Variants in A2M observed in about 807,000 individuals in gnomAD.
A2M encodes the protein alpha-2-macroglobulin, also known as C3 and PZP-like alpha-2-macroglobulin domain-containing protein 5.
In A2M, 128 loss-of-function variants were observed where a neutral mutation model predicts 183.9. The ratio of observed to expected loss-of-function variants is 0.70; its 90% CI spans 0.60 to 0.81. A2M has a LOEUF of 0.81. Among genes scored for constraint, A2M ranks in the 30% least tolerant of loss-of-function variants. The probability of loss-of-function intolerance (pLI) is 0.00; values close to 1 mark genes in which losing one functional copy is unlikely to be tolerated. For synonymous variants in A2M, 592 were observed against 670.8 expected (o/e 0.88, Z 1.81); for missense variants, 1,495 against 1,787.6 (o/e 0.84, Z 2.95).
chr12:9,115,804 AGAG>A lies in A2M; in HGVS notation c.43_45del (p.Leu16del). 6.2e-7 allele frequency: 1 copy of A among 1,613,586 alleles called. No individual in the cohort carries two copies. Among genetic ancestry groups the A allele is most frequent in the African/African-American group, 1.3e-5 (1 of 75,020 alleles). On this transcript the variant is annotated inframe_deletion, in exon 1 of 36. Transcript: ENST00000318602. The stretch of plus-strand genomic sequence containing the variant: ...GAGGCGTCTGTGGGCAGGAGGACCA[AGAG>A]GAGAAGAACCAGACTTGGATGAAGG...
At chr12:9,078,234 C>T (rs1331204353) in intron 25 of A2M, among the ~76,000 whole-genome samples, 7 of 152,008 alleles carry the variant, frequency 4.6e-5, no homozygotes. Flanking sequence ...TTGTTCCTGT[C>T]CCTGTGTCCG....
intron 19 of A2M, 38 bp from the exon 20 acceptor site, chr12:9,090,520 G>A (rs1949179279): frequency 6.2e-7 from 1 of 1,605,144 alleles, no homozygotes; most frequent in Non-Finnish European, 8.5e-7. Flanking sequence ...GAGAGGGAAG[G>A]AGAACAGAGG....
At position 9,104,264 on chromosome 12, in the gene A2M, A is replaced by G; in HGVS notation, c.1241T>C (p.Val414Ala). ...LVQFSINTTNVMGTSLTVRVN... is the reference protein window; with the variant it reads ...LVQFSINTTNAMGTSLTVRVN... ...CCTAACAGTAAGAGAGGTACCCATAACATTGGTGGTGTTGATAGAGAACTG... is the reference window on the plus strand; with the variant it reads ...CCTAACAGTAAGAGAGGTACCCATAGCATTGGTGGTGTTGATAGAGAACTG... Residue 414 changes from valine (V) to alanine (A), a missense_variant, in exon 11 of 36, where the codon GTT becomes GCT. By Grantham distance (64) the Val-to-Ala change is moderately conservative. Transcript: ENST00000318602. 6.2e-7 allele frequency: 1 copy of G among 1,612,650 alleles called. No individual in the cohort carries two copies. Among genetic ancestry groups the G allele is most frequent in the South Asian group, 1.1e-5 (1 of 90,632 alleles).
At chr12:9,082,300 G>A (rs1948931471) in intron 22 of A2M, among the ~76,000 whole-genome samples, 1 of 152,174 alleles carries the variant, frequency 6.6e-6, no homozygotes, top group Non-Finnish European at 1.5e-5. Context: ...GTCCCAAATA[G>A]CAGAATCATC....
At chr12:9,105,839 C>CA (rs768156810) in intron 10 of A2M, among the ~76,000 whole-genome samples, 2 of 152,120 alleles carry the variant, frequency 1.3e-5, no homozygotes, top group Non-Finnish European at 2.9e-5. Context: ...TGTTTCCATA[C>CA]AAAGTTAGTG....
Position 9,101,544 on chromosome 12 carries a change from T to C in A2M, c.1397A>G (p.His466Arg), listed in dbSNP as rs1195192652. The change falls in exon 12 of 36, where the codon CAT becomes CGT. Residue 466 changes from histidine to arginine, a missense_variant. Coordinates refer to ENST00000318602, the MANE Select transcript of A2M (RefSeq NM_000014.6). ...KSFVHLEPMS[H>R]ELPCGHTQTV... ...CTGAGTATGGCCACAGGGTAGTTCA[T>C]GAGACATGGGCTCAAGGTGGACAAA... is the stretch of plus-strand genomic sequence containing the variant. 3 of 1,613,704 alleles carry C rather than the reference T, an allele frequency of 1.9e-6. No homozygotes were observed. Among genetic ancestry groups the C allele is most frequent in the Non-Finnish European group, 2.5e-6 (3 of 1,179,628 alleles).
At position 9,097,663 on chromosome 12, in the gene A2M, T is replaced by C. The variant is rs377382275; in HGVS notation, c.1851+944A>G. On this transcript the variant is annotated intron_variant, in intron 15 of 35. Coordinates refer to ENST00000318602, the MANE Select transcript of A2M (RefSeq NM_000014.6). ...TTTTTTTTTTTTTTGACACCAAGTC[T>C]TGCTCTATTGCCCAGGCTGGAGTGC... Among the ~76,000 whole-genome samples the C allele has an allele frequency of 2.1e-3, 293 of 141,102 alleles. 1 individual carries two copies. The highest frequency in any genetic ancestry group is 7.4e-3 in the African/African-American group (273 of 36,836). 92.6% of individuals were successfully genotyped at this position (141,102 alleles called of 152,430 possible).
chr12:9,103,295 C>T (rs1216126606), intron 11 of A2M, among the ~76,000 whole-genome samples: 1 of 152,098 alleles, frequency 6.6e-6, no homozygotes, highest in African/African-American at 2.4e-5. Context: ...AATCATTTTA[C>T]AGATAAGGAA....
chr12:9,109,464 T>C, intron 6 of A2M, 59 bp from the exon 7 acceptor site: 1 of 1,334,582 alleles, frequency 7.5e-7, no homozygotes, highest in South Asian at 1.2e-5. Context: ...GGAATTCCTA[T>C]TTTCAGGTTC....
intron 8 of A2M, 127 bp downstream of exon 8, chr12:9,107,397 A>G: frequency 8.3e-7 from 1 of 1,197,720 alleles, no homozygotes; most frequent in Non-Finnish European, 1.1e-6. Context: ...TTTTTGAAAA[A>G]TTACAATAGC....
rs200754483 is a variant in A2M, at chr12:9,115,722, G to A, written c.86+42C>T. ...TAAAGAAAAATCTGCAATAAATGAA[G>A]GACTCTAGGTTCATGCTTCACGCTC... On this transcript the variant is annotated intron_variant, in intron 1 of 35. Coordinates refer to ENST00000318602, the MANE Select transcript of A2M (RefSeq NM_000014.6). 52 of 1,456,416 alleles carry A rather than the reference G, an allele frequency of 3.6e-5. No homozygotes were observed. The African/African-American group carries it at 7.0e-4, about 20-fold the overall frequency. 90.2% of individuals were successfully genotyped at this position (1,456,416 alleles called of 1,614,324 possible).
At chr12:9,072,123 T>C in intron 31 of A2M, among the ~76,000 whole-genome samples, 1 of 152,236 alleles carries the variant, frequency 6.6e-6, no homozygotes, top group East Asian at 1.9e-4. Context: ...TAATATTTAC[T>C]TAGTTGTTAT....
chr12:9,078,704 T>C (rs1035660091), intron 25 of A2M, among the ~76,000 whole-genome samples: 1 of 152,232 alleles, frequency 6.6e-6, no homozygotes, highest in Non-Finnish European at 1.5e-5. Flanking sequence ...GCTTTAAATC[T>C]CTCTTATCTT....
Position 9,090,352 on chromosome 12 carries a change from T to C in A2M, c.2596+4A>G, listed in dbSNP as rs1465096833. The C allele has an allele frequency of 1.2e-6, 2 of 1,614,002 alleles. No individual in the cohort carries two copies. Among genetic ancestry groups the C allele is most frequent in the South Asian group, 2.2e-5 (2 of 91,086 alleles). ...AGAATTATCTCTAGCAGTTTTTTGC[T>C]CACCTAATGACTTTGGGGTTACTGC... On this transcript the variant is annotated splice_donor_region_variant and intron_variant, in intron 20 of 35. Transcript: ENST00000318602.
At chr12:9,112,101 A>G (rs1938772630) in intron 4 of A2M, 58 bp downstream of exon 4, 5 of 1,568,104 alleles carry the variant, frequency 3.2e-6, no homozygotes, top group African/African-American at 2.7e-5. Context: ...AGCACAAAAA[A>G]CAGGTTCCCA....
intron 17 of A2M, among the ~76,000 whole-genome samples, chr12:9,093,849 A>G (rs1229287990): frequency 1.3e-5 from 2 of 151,968 alleles, no homozygotes; most frequent in African/African-American, 4.8e-5. Context: ...GCGCCACTGC[A>G]CTCCAGCCTG....
At position 9,077,347 on chromosome 12, in the gene A2M, G is replaced by A; in HGVS notation, c.3350C>T (p.Thr1117Ile). The change falls in exon 27 of 36, where the codon ACT becomes ATT. Residue 1117 changes from threonine (T) to isoleucine (I), a missense_variant and splice_region_variant. By Grantham distance (89) the Thr-to-Ile change is moderately conservative. Transcript: ENST00000318602. ...IALLEIPLTV[T>I]HPVVRNALFC... ...GCAGAGGAATGGGGTGGTACCTACAGTGACTGTGAGAGGAATCTCCAGAAG... is the reference window on the plus strand; with the variant it reads ...GCAGAGGAATGGGGTGGTACCTACAATGACTGTGAGAGGAATCTCCAGAAG... 6.2e-7 allele frequency: 1 copy of A among 1,612,816 alleles called. No individual in the cohort carries two copies.
At chr12:9,096,803 G>A (rs1949393873) in intron 15 of A2M, among the ~76,000 whole-genome samples, 1 of 152,134 alleles carries the variant, frequency 6.6e-6, no homozygotes, top group Admixed American at 6.5e-5. Context: ...ATTATTGTCT[G>A]TCTCATCTAT....
At chr12:9,112,352 G>T (rs1938796670) in intron 3 of A2M, 25 bp downstream of exon 3, 1 of 1,608,038 alleles carries the variant, frequency 6.2e-7, no homozygotes, top group Non-Finnish European at 8.5e-7. Flanking sequence ...TTTTGAAGTT[G>T]TCCTGTCTGT....
Sources: allele counts gnomAD v4.1 joint callset (sites outside exome capture counted in the v4.1 genomes callset), GRCh38; gene constraint gnomAD v4.1.1; transcripts MANE v1.5; gene names NCBI Gene and HGNC (gene_info 2026-07-23, HGNC 2026-07-21).